Variants in CLVS1 observed in about 807,000 individuals in gnomAD.
CLVS1 encodes clavesin-1.
In CLVS1, 10 loss-of-function variants were observed where a neutral mutation model predicts 33.1. The observed-to-expected ratio is 0.30, with a 90% CI of 0.19 to 0.51. The LOEUF is 0.51. Ranked by LOEUF, CLVS1 falls within the 20% of genes least tolerant of loss-of-function variation. The pLI is 0.97. For synonymous variants in CLVS1, 163 were observed against 166.1 expected (o/e 0.98, Z 0.14); for missense variants, 343 against 433.4 (o/e 0.79, Z 1.85).
chr8:61,324,713 G>T (rs2129596634), intron 2 of CLVS1, among the ~76,000 whole-genome samples: 1 of 152,218 alleles, frequency 6.6e-6, no homozygotes, highest in East Asian at 1.9e-4. Flanking sequence ...TAAGTTCCAG[G>T]CTGAGGTGGT....
At chr8:61,227,698 G>A (rs184372120) in intron 2 of CLVS1, among the ~76,000 whole-genome samples, 1 of 152,254 alleles carries the variant, frequency 6.6e-6, no homozygotes, top group Admixed American at 6.5e-5. Flanking sequence ...TCTGTCAAAG[G>A]TCAGTTGCAA....
chr8:61,077,544 C>T (rs1023173103), intron 1 of CLVS1, among the ~76,000 whole-genome samples: 32 of 151,116 alleles, frequency 2.1e-4, no homozygotes, highest in Admixed American at 1.2e-3. Flanking sequence ...GGCGCGATCT[C>T]GGCTCACCAC....
intron 2 of CLVS1, among the ~76,000 whole-genome samples, chr8:61,343,820 T>A (rs1406967005): frequency 2.0e-5 from 3 of 152,180 alleles, no homozygotes; most frequent in African/African-American, 7.2e-5. Context: ...AATACCCCGA[T>A]AACATCCTAA....
intron 2 of CLVS1, among the ~76,000 whole-genome samples, chr8:61,365,385 GGT>G (rs1363443303): frequency 6.6e-6 from 1 of 152,134 alleles, no homozygotes; most frequent in East Asian, 1.9e-4. Flanking sequence ...AAATTAGCTG[GGT>G]GTGGTGGTGG....
intron 1 of CLVS1, among the ~76,000 whole-genome samples, chr8:61,062,492 T>TA (rs200330347): frequency 0.011 from 1,663 of 152,326 alleles, 28 homozygotes; most frequent in African/African-American, 0.038. Context: ...CTACGTTCCT[T>TA]AAAATAGGAA....
intron 5 of CLVS1, among the ~76,000 whole-genome samples, chr8:61,472,320 T>G (rs1817761478): frequency 6.6e-6 from 1 of 151,532 alleles, no homozygotes; most frequent in Non-Finnish European, 1.5e-5. Context: ...TAGGTGCTCA[T>G]GACATAGTTT....
chr8:61,329,727 T>C (rs899002594), intron 2 of CLVS1, among the ~76,000 whole-genome samples: 2 of 152,212 alleles, frequency 1.3e-5, no homozygotes, highest in Non-Finnish European at 2.9e-5. Context: ...ACTTTGTAAA[T>C]ATTATTTATA....
the CLVS1 span, among the ~76,000 whole-genome samples, chr8:61,031,300 A>T: frequency 2.0e-5 from 3 of 152,190 alleles, no homozygotes; most frequent in Non-Finnish European, 4.4e-5. Context: ...GCATGGTGCC[A>T]GGTCATCAGG....
the CLVS1 span, among the ~76,000 whole-genome samples, chr8:61,033,143 GAAAGAAAGAAAGAAAGAA>G: frequency 8.5e-6 from 1 of 117,608 alleles, no homozygotes; most frequent in Non-Finnish European, 1.9e-5. Context: ...AAGAAAGAAA[GAAAGAAAGAAAGAAAGAA>G]AAAGAAAGAA....
At position 61,232,023 on chromosome 8, in the gene CLVS1, GTTTTTT is replaced by G. The variant is rs1158042227; in HGVS notation, c.-151-67632_-151-67627del. ...AGAAGGAGCCCTGAGGAAAGTTGTG[GTTTTTT>G]TTTTTTTTTTTTTTTTTTTTTGTGA... On this transcript the variant is annotated intron_variant, in intron 2 of 2. Transcript: ENST00000522621. 7.0e-4 allele frequency among the ~76,000 whole-genome samples: 44 copies of G among 62,644 alleles called. 1 individual carries two copies. Among genetic ancestry groups the G allele is most frequent in the Middle Eastern group, 0.016 (2 of 124 alleles). The allele number at this position is 62,644 out of a possible 152,430, so 41.1% of individuals were successfully genotyped here. A position where few individuals can be genotyped will look rare whatever the true frequency, so the allele number is the denominator to read the frequency against.
chr8:60,974,137 G>A, the CLVS1 span, among the ~76,000 whole-genome samples: 2 of 152,076 alleles, frequency 1.3e-5, no homozygotes, highest in Non-Finnish European at 2.9e-5. Flanking sequence ...TATTCAGCTG[G>A]GAGAAGTTGT....
rs1259034349 is a variant in CLVS1, at chr8:61,299,995, C to T, written c.168C>T (p.Val56=). Residue 56 remains valine (V), a synonymous_variant, in exon 2 of 6, where the codon GTC becomes GTT. Transcript: ENST00000325897. ...TTTTACATCAGGATATTCAGCAAGTCAGGGACATGATCATCACCAGGCCTG... is the reference window on the plus strand; with the variant it reads ...TTTTACATCAGGATATTCAGCAAGTTAGGGACATGATCATCACCAGGCCTG... ...PDVLHQDIQQ[V]RDMIITRPDI... 1 of 1,614,056 alleles carries T rather than the reference C, an allele frequency of 6.2e-7. No homozygotes were observed. Among genetic ancestry groups the T allele is most frequent in the Non-Finnish European group, 8.5e-7 (1 of 1,179,964 alleles).
the CLVS1 span, among the ~76,000 whole-genome samples, chr8:61,013,625 G>C: frequency 6.6e-6 from 1 of 152,182 alleles, no homozygotes; most frequent in Non-Finnish European, 1.5e-5. Context: ...GAAAACAATG[G>C]TAATATTTAA....
chr8:61,277,539 C>T (rs1299881146), intron 2 of CLVS1, among the ~76,000 whole-genome samples: 1 of 152,144 alleles, frequency 6.6e-6, no homozygotes, highest in Non-Finnish European at 1.5e-5. Flanking sequence ...TCTGTCTTTA[C>T]TCTATTACTA....
chr8:61,500,956 C>T lies in CLVS1; in HGVS notation c.*1414C>T, dbSNP rs1056539592. On this transcript the variant is annotated 3_prime_UTR_variant, in exon 6 of 6. Transcript: ENST00000325897. ...ATTATTTATTACATCATCTCTTTCT[C>T]AATGGATCTAATGTTTTAATTTTTT... The T allele has an allele frequency of 5.9e-5, 9 of 152,074 alleles. No homozygotes were observed. Among genetic ancestry groups the T allele is most frequent in the Non-Finnish European group, 1.3e-4 (9 of 68,008 alleles). 9.4% of individuals were successfully genotyped at this position (152,074 alleles called of 1,614,324 possible).
intron 2 of CLVS1, among the ~76,000 whole-genome samples, chr8:61,328,200 G>A (rs945875604): frequency 6.6e-6 from 1 of 152,134 alleles, no homozygotes; most frequent in Non-Finnish European, 1.5e-5. Context: ...CTCAAATTCA[G>A]TGTCACAGGC....
intron 2 of CLVS1, among the ~76,000 whole-genome samples, chr8:61,222,996 A>G (rs1287453856): frequency 6.6e-6 from 1 of 150,498 alleles, no homozygotes; most frequent in Non-Finnish European, 1.5e-5. Flanking sequence ...TTGCAAAAAA[A>G]AAGACCTGCT....
At chr8:61,329,414 C>T (rs938094452) in intron 2 of CLVS1, among the ~76,000 whole-genome samples, 1 of 152,166 alleles carries the variant, frequency 6.6e-6, no homozygotes, top group African/African-American at 2.4e-5. Context: ...TCTTTCCAGC[C>T]TTTCCAAAGA....
At chr8:61,251,092 G>A (rs544148494) in intron 2 of CLVS1, among the ~76,000 whole-genome samples, 8 of 152,076 alleles carry the variant, frequency 5.3e-5, no homozygotes, top group South Asian at 4.2e-4. Context: ...ACGTTCCATT[G>A]ATACCTAGTT....
Sources: allele counts gnomAD v4.1 joint callset (sites outside exome capture counted in the v4.1 genomes callset), GRCh38; gene constraint gnomAD v4.1.1; transcripts MANE v1.5; gene names NCBI Gene and HGNC (gene_info 2026-07-23, HGNC 2026-07-21).